Variants in RNF146 observed in about 807,000 individuals in gnomAD.
RNF146 encodes the protein ring finger protein 146, also known as E3 ubiquitin-protein ligase RNF146.
RNF146 carries 11 observed loss-of-function variants against 29.7 expected under a neutral mutation model. The ratio of observed to expected loss-of-function variants is 0.37; its 90% CI spans 0.23 to 0.61. The LOEUF is 0.61. RNF146 is among the 20% of genes least tolerant of loss of function. RNF146 has a pLI of 0.66. For synonymous variants in RNF146, 150 were observed against 159.7 expected (o/e 0.94, Z 0.46); for missense variants, 342 against 438.9 (o/e 0.78, Z 1.97).
At chr6:127,275,753 T>A (rs975234869) in intron 1 of RNF146, among the ~76,000 whole-genome samples, 1 of 152,018 alleles carries the variant, frequency 6.6e-6, no homozygotes, top group Non-Finnish European at 1.5e-5. Flanking sequence ...AAATAGGCAT[T>A]CATAAGCTGT....
chr6:127,276,305 A>G (rs1212853173), intron 1 of RNF146, among the ~76,000 whole-genome samples: 3 of 152,056 alleles, frequency 2.0e-5, no homozygotes, highest in Non-Finnish European at 4.4e-5. Context: ...CAATGGGTAG[A>G]GAGTACAGGA....
chr6:127,267,696 G>C (rs1211193500), intron 1 of RNF146, among the ~76,000 whole-genome samples: 2 of 152,108 alleles, frequency 1.3e-5, no homozygotes, highest in Non-Finnish European at 2.9e-5. Context: ...ATTCTTAGTT[G>C]TTTTTGACGG....
intron 1 of RNF146, among the ~76,000 whole-genome samples, chr6:127,267,461 G>C (rs1008499320): frequency 6.6e-6 from 1 of 152,194 alleles, no homozygotes; most frequent in Non-Finnish European, 1.5e-5. Context: ...TTCGGCGGTA[G>C]CCTGCTCCAT....
At chr6:127,267,927 C>A (rs1776893120) in intron 1 of RNF146, among the ~76,000 whole-genome samples, 1 of 152,146 alleles carries the variant, frequency 6.6e-6, no homozygotes, top group African/African-American at 2.4e-5. Context: ...AGAGTGGAGA[C>A]GGAACCGTCC....
intron 2 of RNF146, chr6:127,285,136 G>A (rs955159409): frequency 1.2e-6 from 1 of 847,100 alleles, no homozygotes; most frequent in Non-Finnish European, 1.4e-6. Context: ...TTCTTCCATT[G>A]AGACTGTGTT....
At chr6:127,278,341 CTG>C (rs1332768357) in intron 1 of RNF146, among the ~76,000 whole-genome samples, 1 of 151,960 alleles carries the variant, frequency 6.6e-6, no homozygotes, top group Non-Finnish European at 1.5e-5. Context: ...AACAGAAACT[CTG>C]TACCCATTAG....
At chr6:127,275,501 T>G (rs951340555) in intron 1 of RNF146, among the ~76,000 whole-genome samples, 1 of 152,076 alleles carries the variant, frequency 6.6e-6, no homozygotes, top group Non-Finnish European at 1.5e-5. Context: ...CCAAAAAATA[T>G]CAGTTCAACA....
intron 1 of RNF146, among the ~76,000 whole-genome samples, chr6:127,268,532 A>G (rs920163143): frequency 6.6e-6 from 1 of 152,182 alleles, no homozygotes; most frequent in African/African-American, 2.4e-5. Context: ...CTAAAAATAG[A>G]TTTTGGATGT....
intron 1 of RNF146, among the ~76,000 whole-genome samples, chr6:127,268,817 T>G (rs1189009280): frequency 6.6e-6 from 1 of 152,106 alleles, no homozygotes; most frequent in Admixed American, 6.5e-5. Context: ...TGTTTCAGTC[T>G]CCACCAACCT....
In RNF146 at chr6:127,286,459, G is replaced by A. The variant is rs1216028626; in HGVS notation, c.3-157G>A. 9.8e-6 allele frequency: 8 copies of A among 816,716 alleles called. No individual in the cohort carries two copies. The highest frequency in any genetic ancestry group is 1.5e-5 in the Non-Finnish European group (8 of 540,826). 50.6% of individuals were successfully genotyped at this position (816,716 alleles called of 1,614,324 possible). A position where few individuals can be genotyped will look rare whatever the true frequency, so the allele number is the denominator to read the frequency against. On this transcript the variant is annotated intron_variant, in intron 2 of 2. Coordinates refer to ENST00000368314, the MANE Select transcript of RNF146 (RefSeq NM_001242850.2). The surrounding 1 kb of genome is among the most constrained non-coding windows in gnomAD (Gnocchi z 4.6). ...GCTTACAAAAAATTTTCATCGGTTGGAGAGTTTTTCCTCTACTTTCATCTT... is the reference window on the plus strand; with the variant it reads ...GCTTACAAAAAATTTTCATCGGTTGAAGAGTTTTTCCTCTACTTTCATCTT...
Position 127,280,347 on chromosome 6 carries a change from G to A in RNF146, c.2+7G>A. ...TGGGATCTGTAATAGAAATGTAAGT[G>A]TAGCATCATGGTTTTTTTCAGTGCT... is the stretch of plus-strand genomic sequence containing the variant. On this transcript the variant is annotated splice_region_variant and intron_variant, in intron 2 of 2. Transcript: ENST00000368314. 6.5e-7 allele frequency: 1 copy of A among 1,547,014 alleles called. No homozygotes were observed. Among genetic ancestry groups the A allele is most frequent in the Non-Finnish European group, 8.7e-7 (1 of 1,144,594 alleles).
chr6:127,267,255 C>T (rs1268589759), intron 1 of RNF146, among the ~76,000 whole-genome samples: 1 of 152,064 alleles, frequency 6.6e-6, no homozygotes, highest in Admixed American at 6.5e-5. Context: ...CAGCCCCTGC[C>T]CTGGGTGACG....
intron 1 of RNF146, among the ~76,000 whole-genome samples, chr6:127,270,619 G>T (rs1031391931): frequency 6.6e-6 from 1 of 152,034 alleles, no homozygotes; most frequent in African/African-American, 2.4e-5. Context: ...GCCCTATTTT[G>T]TGCCCAGTTG....
intron 1 of RNF146, among the ~76,000 whole-genome samples, chr6:127,279,509 T>G (rs1778669735): frequency 6.6e-6 from 1 of 151,796 alleles, no homozygotes; most frequent in Admixed American, 6.6e-5. Context: ...CCAAACTGTC[T>G]TGTTACCTTA....
At chr6:127,272,481 C>T (rs553594785) in intron 1 of RNF146, among the ~76,000 whole-genome samples, 3 of 152,272 alleles carry the variant, frequency 2.0e-5, no homozygotes, top group African/African-American at 7.2e-5. Context: ...TTGAAAAAGT[C>T]ACCAAAGCAT....
At position 127,287,762 on chromosome 6, in the gene RNF146, T is replaced by C. The variant is rs1779725262; in HGVS notation, c.*69T>C. 1.0e-6 allele frequency: 1 copy of C among 959,716 alleles called. No homozygotes were observed. The highest frequency in any genetic ancestry group is 1.6e-6 in the Non-Finnish European group (1 of 625,724). The allele number at this position is 959,716 out of a possible 1,614,324, so 59.5% of individuals were successfully genotyped here. On this transcript the variant is annotated 3_prime_UTR_variant, in exon 3 of 3. Coordinates refer to ENST00000368314, the MANE Select transcript of RNF146 (RefSeq NM_001242850.2). ...CTGTAAATTTCTGCCCACATAACAT[T>C]ATACTCATCCCTAGTAGTGCATTTT...
Position 127,286,214 on chromosome 6 carries a change from T to C in RNF146, c.3-402T>C. 8.2e-7 allele frequency: 1 copy of C among 1,225,410 alleles called. No homozygotes were observed. The highest frequency in any genetic ancestry group is 3.2e-5 in the East Asian group (1 of 31,582). The allele number at this position is 1,225,410 out of a possible 1,614,324, so 75.9% of individuals were successfully genotyped here. A position where few individuals can be genotyped will look rare whatever the true frequency, so the allele number is the denominator to read the frequency against. ...TAGACTAATGGTTTAACTGAGTGCC[T>C]AAGAGCACATAATTAATAAAGGACT... On this transcript the variant is annotated intron_variant, in intron 2 of 2. Transcript: ENST00000368314. This position sits in a 1 kb window ranked among gnomAD's most constrained non-coding sequence, Gnocchi z 4.6.
intron 1 of RNF146, among the ~76,000 whole-genome samples, chr6:127,274,745 A>G (rs1777960706): frequency 6.6e-6 from 1 of 150,916 alleles, no homozygotes; most frequent in Non-Finnish European, 1.5e-5. Context: ...AACACTCAGC[A>G]GGACTTTGTG....
Position 127,266,942 on chromosome 6 carries a change from G to A in RNF146, c.-109+17G>A, listed in dbSNP as rs1034037344. 5.9e-5 allele frequency: 9 copies of A among 152,436 alleles called. No individual in the cohort carries two copies. The highest frequency in any genetic ancestry group is 2.2e-4 in the African/African-American group (9 of 41,428). 9.4% of individuals were successfully genotyped at this position (152,436 alleles called of 1,614,324 possible). On this transcript the variant is annotated intron_variant, in intron 1 of 2. Transcript: ENST00000368314. ...GCCGGAGAGGTGGGAGTCGGAGCGA[G>A]GCCCTCTCGGGGGAGCAGGGTGAAC...
Sources: allele counts gnomAD v4.1 joint callset (sites outside exome capture counted in the v4.1 genomes callset), GRCh38; gene constraint gnomAD v4.1.1; non-coding constraint Gnocchi (gnomAD v3.1); transcripts MANE v1.5; gene names NCBI Gene and HGNC (gene_info 2026-07-23, HGNC 2026-07-21).